Variants in CNTN4 observed in about 807,000 individuals in gnomAD.
The protein encoded by CNTN4 is contactin-4.
A neutral mutation model predicts 122.5 loss-of-function variants in CNTN4; 77 were observed. That is an observed-to-expected ratio of 0.63 (90% CI 0.52 to 0.76). CNTN4 has a LOEUF of 0.76. Ranked by LOEUF, CNTN4 falls within the 30% of genes least tolerant of loss-of-function variation. CNTN4 has a pLI of 0.00. For missense variants in CNTN4, 1,256 were observed against 1,259.1 expected (o/e 1.00, Z 0.04); for synonymous variants, 512 against 447.0 (o/e 1.15, Z -1.83).
At chr3:2,106,699 C>A (rs1261175143) in intron 2 of CNTN4, among the ~76,000 whole-genome samples, 1 of 152,204 alleles carries the variant, frequency 6.6e-6, no homozygotes, top group African/African-American at 2.4e-5. Flanking sequence ...CTCTGTCATG[C>A]CCTGAAGACG....
intron 4 of CNTN4, among the ~76,000 whole-genome samples, chr3:2,726,870 C>A (rs1242812533): frequency 6.6e-6 from 1 of 152,126 alleles, no homozygotes; most frequent in Non-Finnish European, 1.5e-5. Context: ...TCGATTGTAA[C>A]AAATACAGCA....
intron 2 of CNTN4, among the ~76,000 whole-genome samples, chr3:2,328,438 C>G (rs1031452344): frequency 6.6e-6 from 1 of 152,144 alleles, no homozygotes; most frequent in Admixed American, 6.5e-5. Context: ...ACAGTTTTCC[C>G]CAGGTCTTTA....
chr3:2,430,932 T>C (rs2048045713), intron 3 of CNTN4, among the ~76,000 whole-genome samples: 1 of 152,228 alleles, frequency 6.6e-6, no homozygotes, highest in Non-Finnish European at 1.5e-5. Context: ...AATTGAATCA[T>C]AATGCTAAGT....
chr3:2,229,859 CAAGT>C (rs2039420103), intron 2 of CNTN4, among the ~76,000 whole-genome samples: 1 of 152,140 alleles, frequency 6.6e-6, no homozygotes, highest in South Asian at 2.1e-4. Context: ...GCTTAACAAT[CAAGT>C]ATCTCCAGCT....
intron 4 of CNTN4, among the ~76,000 whole-genome samples, chr3:2,655,188 T>A: frequency 6.6e-6 from 1 of 152,176 alleles, no homozygotes; most frequent in South Asian, 2.1e-4. Flanking sequence ...TGATACAGAA[T>A]CTTAATAAGG....
intron 3 of CNTN4, among the ~76,000 whole-genome samples, chr3:2,462,395 G>A (rs2049259491): frequency 6.6e-6 from 1 of 152,234 alleles, no homozygotes; most frequent in Middle Eastern, 3.4e-3. Context: ...TTTAGATATA[G>A]GATGAAAGAA....
intron 3 of CNTN4, among the ~76,000 whole-genome samples, chr3:2,469,969 G>GT (rs1159022709): frequency 1.8e-4 from 28 of 152,156 alleles, no homozygotes; most frequent in Middle Eastern, 3.4e-3. Context: ...TAAAGAAATG[G>GT]TTTTTTACAT....
intron 2 of CNTN4, among the ~76,000 whole-genome samples, chr3:2,223,145 T>G (rs1294491380): frequency 6.6e-6 from 1 of 152,152 alleles, no homozygotes; most frequent in Non-Finnish European, 1.5e-5. Context: ...AGTTAATAGC[T>G]TCTGAGAACC....
At chr3:2,419,776 T>C (rs572065934) in intron 3 of CNTN4, among the ~76,000 whole-genome samples, 1 of 152,344 alleles carries the variant, frequency 6.6e-6, no homozygotes, top group South Asian at 2.1e-4. Context: ...ACCATGTCTT[T>C]CAAGGAATAA....
chr3:2,773,418 A>G (rs1012267161), intron 6 of CNTN4, among the ~76,000 whole-genome samples: 3 of 152,146 alleles, frequency 2.0e-5, no homozygotes, highest in Admixed American at 2.0e-4. Context: ...TTTGTTTTAC[A>G]TTTTGCTCTG....
rs191886912 is a variant in CNTN4, at chr3:2,705,209, C to A, written c.56-31006C>A. ...TGGTGAAACCCCGTCTCTACTAAAA[C>A]TACAAAAAATTAGCTGGGCGTAGTG... On this transcript the variant is annotated intron_variant, in intron 4 of 24. Transcript: ENST00000418658. Among the ~76,000 whole-genome samples the A allele has an allele frequency of 1.0e-2, 1,492 of 149,772 alleles. 31 individuals are homozygous for A. Among genetic ancestry groups the A allele is most frequent in the African/African-American group, 0.034 (1,389 of 40,866 alleles).
intron 2 of CNTN4, among the ~76,000 whole-genome samples, chr3:2,205,290 A>G (rs1415306389): frequency 1.3e-5 from 2 of 150,030 alleles, no homozygotes; most frequent in East Asian, 1.9e-4. Context: ...CAGTGAAAAA[A>G]TACAGTGATA....
intron 13 of CNTN4, among the ~76,000 whole-genome samples, chr3:2,974,291 A>T (rs1014484298): frequency 3.9e-5 from 6 of 152,136 alleles, no homozygotes; most frequent in African/African-American, 1.4e-4. Context: ...TTTATTCTTT[A>T]ATTTTGAACT....
chr3:2,564,732 T>A (rs995411476), intron 3 of CNTN4, among the ~76,000 whole-genome samples: 1 of 151,904 alleles, frequency 6.6e-6, no homozygotes, highest in African/African-American at 2.4e-5. Context: ...TTGAAGAGGG[T>A]CTTCTCGGTA....
intron 3 of CNTN4, among the ~76,000 whole-genome samples, chr3:2,470,055 G>A (rs1303546295): frequency 6.6e-6 from 1 of 151,570 alleles, no homozygotes; most frequent in African/African-American, 2.4e-5. Flanking sequence ...TTGATGACTA[G>A]GTATATGTTG....
intron 3 of CNTN4, among the ~76,000 whole-genome samples, chr3:2,387,199 T>G (rs891981001): frequency 6.6e-6 from 1 of 152,208 alleles, no homozygotes; most frequent in Admixed American, 6.5e-5. Context: ...TATCTAAAGT[T>G]ACTTAGATGT....
chr3:2,768,752 A>G (rs2149749927), intron 6 of CNTN4, among the ~76,000 whole-genome samples: 1 of 152,256 alleles, frequency 6.6e-6, no homozygotes, highest in Admixed American at 6.5e-5. Context: ...CTAATAGTTA[A>G]GTTGTCTATA....
intron 23 of CNTN4, among the ~76,000 whole-genome samples, chr3:3,049,868 C>G (rs190979444): frequency 4.1e-4 from 63 of 152,334 alleles, no homozygotes; most frequent in Admixed American, 1.6e-3. Context: ...CAGAATGAGA[C>G]TTCTCAACTC....
At chr3:2,758,713 G>C (rs769062298) in intron 6 of CNTN4, among the ~76,000 whole-genome samples, 1 of 151,858 alleles carries the variant, frequency 6.6e-6, no homozygotes, top group Non-Finnish European at 1.5e-5. Context: ...CACCGTGTTG[G>C]CCTGGCTGGT....
Sources: gnomAD v4.1 joint callset for allele counts (sites outside exome capture counted in the v4.1 genomes callset) on GRCh38, gnomAD v4.1.1 for gene constraint, MANE v1.5 for transcripts, NCBI Gene and HGNC (gene_info 2026-07-23, HGNC 2026-07-21) for gene names.